PTPRO: variants seen among roughly 807,000 people sequenced by gnomAD.
PTPRO encodes the protein receptor-type tyrosine-protein phosphatase O.
A neutral mutation model predicts 145.2 loss-of-function variants in PTPRO; 62 were observed. The observed-to-expected ratio is 0.43, with a 90% CI of 0.35 to 0.53. The LOEUF is 0.53. Among genes scored for constraint, PTPRO ranks in the 20% least tolerant of loss-of-function variants. The probability of loss-of-function intolerance (pLI) is 0.01; values close to 1 mark genes in which losing one functional copy is unlikely to be tolerated. For missense variants in PTPRO, 1,345 were observed against 1,482.7 expected, an observed-to-expected ratio of 0.91 and a Z score of 1.53; for synonymous variants, 565 against 514.7, an observed-to-expected ratio of 1.10 and a Z score of -1.32.
Position 15,546,612 on chromosome 12 carries a change from G to C in PTPRO, c.2208G>C (p.Gln736His). ...PKSLFAVNKT[Q>H]TSVTLLWVEE... ...CACTCTTCGCAGTGAACAAAACCCA[G>C]ACTTCAGTGACTTTGCTGTGGGTGG... The change falls in exon 13 of 27, where the codon CAG becomes CAC. Residue 736 changes from glutamine (Q) to histidine (H), a missense_variant. By Grantham distance (24) the Gln-to-His change is conservative. Coordinates refer to ENST00000281171, the MANE Select transcript of PTPRO (RefSeq NM_030667.3). 6.2e-7 allele frequency: 1 copy of C among 1,613,220 alleles called. No homozygotes were observed. Among genetic ancestry groups the C allele is most frequent in the Non-Finnish European group, 8.5e-7 (1 of 1,179,568 alleles).
At chr12:15,389,006 T>A (rs1939111196) in intron 1 of PTPRO, among the ~76,000 whole-genome samples, 1 of 152,178 alleles carries the variant, frequency 6.6e-6, no homozygotes, top group Non-Finnish European at 1.5e-5. Flanking sequence ...CTCTGTCTTT[T>A]TATCTATTTT....
intron 1 of PTPRO, among the ~76,000 whole-genome samples, chr12:15,355,444 G>A (rs1484084570): frequency 2.0e-5 from 3 of 152,144 alleles, no homozygotes; most frequent in East Asian, 1.9e-4. Context: ...GTTTTGCTGG[G>A]CAATTTTAGT....
intron 1 of PTPRO, among the ~76,000 whole-genome samples, chr12:15,352,569 T>C (rs559967238): frequency 3.4e-5 from 5 of 147,674 alleles, no homozygotes; most frequent in African/African-American, 1.3e-4. Context: ...GAGAATGGTG[T>C]GAACTCGGGA....
At position 15,578,840 on chromosome 12, in the gene PTPRO, C is replaced by G; in HGVS notation, c.2830-13C>G. 1 of 1,550,190 alleles carries G rather than the reference C, an allele frequency of 6.5e-7. No homozygotes were observed. Among genetic ancestry groups the G allele is most frequent in the Non-Finnish European group, 8.9e-7 (1 of 1,121,906 alleles). ...CGTATGGAACTCTCAAATCCATTCTCTGTCCTTTACAGGAGTTGAAATTGA... is the reference window on the plus strand; with the variant it reads ...CGTATGGAACTCTCAAATCCATTCTGTGTCCTTTACAGGAGTTGAAATTGA... On this transcript the variant is annotated splice_polypyrimidine_tract_variant and intron_variant, in intron 19 of 26. Coordinates refer to ENST00000281171, the MANE Select transcript of PTPRO (RefSeq NM_030667.3).
intron 1 of PTPRO, among the ~76,000 whole-genome samples, chr12:15,395,272 C>T (rs1403495064): frequency 1.3e-5 from 2 of 152,068 alleles, no homozygotes; most frequent in East Asian, 1.9e-4. Flanking sequence ...TGTAGGCAAT[C>T]GAGTTTAAAT....
At chr12:15,516,294 G>C (rs1232849085) in intron 8 of PTPRO, among the ~76,000 whole-genome samples, 123 of 141,684 alleles carry the variant, frequency 8.7e-4, no homozygotes, top group Non-Finnish European at 1.4e-3. Flanking sequence ...GCCAAGCCCA[G>C]AAGTTTTAAT....
At position 15,580,922 on chromosome 12, in the gene PTPRO, TA is replaced by T. The variant is rs111564580; in HGVS notation, c.3132+95del. The T allele has an allele frequency of 6.5e-3, 9,830 of 1,519,798 alleles. 581 individuals are homozygous for T. In the African/African-American group the frequency reaches 0.12, roughly 19 times the overall value. The allele number at this position is 1,519,798 out of a possible 1,614,324, so 94.1% of individuals were successfully genotyped here. A position where few individuals can be genotyped will look rare whatever the true frequency, so the allele number is the denominator to read the frequency against. On this transcript the variant is annotated intron_variant, in intron 22 of 26. Coordinates refer to ENST00000281171, the MANE Select transcript of PTPRO (RefSeq NM_030667.3). The stretch of plus-strand genomic sequence containing the variant: ...AATGCTTGCTGTTTTCAAAGTCAAA[TA>T]AAACATAGAGACAAATCGCTAAATT...
At chr12:15,419,672 A>G (rs1173663057) in intron 1 of PTPRO, among the ~76,000 whole-genome samples, 1 of 151,368 alleles carries the variant, frequency 6.6e-6, no homozygotes, top group Admixed American at 6.6e-5. Context: ...AGAGCATAAC[A>G]TTTCAGTAGG....
chr12:15,334,241 C>G (rs780314519), intron 1 of PTPRO, among the ~76,000 whole-genome samples: 21 of 152,028 alleles, frequency 1.4e-4, no homozygotes, highest in Non-Finnish European at 2.9e-4. Context: ...ACATAGATAC[C>G]TCACGGAAAT....
chr12:15,449,251 T>A (rs1261546404), intron 1 of PTPRO, among the ~76,000 whole-genome samples: 2 of 152,250 alleles, frequency 1.3e-5, no homozygotes, highest in Admixed American at 1.3e-4. Flanking sequence ...GTGGCTGAAG[T>A]ATGGCCACTG....
Position 15,441,421 on chromosome 12 carries a change from C to T in PTPRO, c.76-42553C>T, listed in dbSNP as rs559372610. 1.8e-4 allele frequency among the ~76,000 whole-genome samples: 28 copies of T among 152,202 alleles called. No individual in the cohort carries two copies. In the East Asian group the frequency reaches 4.8e-3, roughly 26 times the overall value. On this transcript the variant is annotated intron_variant, in intron 1 of 26. Coordinates refer to ENST00000281171, the MANE Select transcript of PTPRO (RefSeq NM_030667.3). ...AAGAGTTAGAAAGATCTCAAATTAA[C>T]GATCTAATATCACATCTAGAGGAAC... is the stretch of plus-strand genomic sequence containing the variant.
intron 2 of PTPRO, among the ~76,000 whole-genome samples, chr12:15,488,301 A>G (rs1287636522): frequency 6.6e-6 from 1 of 152,194 alleles, no homozygotes; most frequent in Non-Finnish European, 1.5e-5. Context: ...TTGAGGGGCA[A>G]TAATAGGTTG....
chr12:15,344,942 T>G (rs1002725624), intron 1 of PTPRO, among the ~76,000 whole-genome samples: 2 of 152,204 alleles, frequency 1.3e-5, no homozygotes, highest in Non-Finnish European at 2.9e-5. Context: ...GGTGCTAAAT[T>G]ATTCTATGGC....
At chr12:15,436,563 A>C (rs910457591) in intron 1 of PTPRO, among the ~76,000 whole-genome samples, 3 of 152,170 alleles carry the variant, frequency 2.0e-5, no homozygotes, top group Non-Finnish European at 2.9e-5. Flanking sequence ...AAGAGAGAGC[A>C]CTTTGCTTCT....
At chr12:15,426,849 C>T (rs1940299146) in intron 1 of PTPRO, among the ~76,000 whole-genome samples, 1 of 151,958 alleles carries the variant, frequency 6.6e-6, no homozygotes, top group Non-Finnish European at 1.5e-5. Flanking sequence ...CAGCTGTATG[C>T]ATTTTTATTT....
chr12:15,576,568 T>C lies in PTPRO; in HGVS notation c.2830-2285T>C, dbSNP rs78023476. ...TCAGTCTGTCCCCAAAGCAAGAGAA[T>C]TGGGGGAAGAGTTGTTGGTCTGCTG... is the stretch of plus-strand genomic sequence containing the variant. On this transcript the variant is annotated intron_variant, in intron 19 of 26. Transcript: ENST00000281171. Among the ~76,000 whole-genome samples the C allele has an allele frequency of 1.4e-3, 214 of 152,250 alleles. 1 individual carries two copies. In the East Asian group the frequency reaches 0.039, roughly 27 times the overall value.
chr12:15,473,568 C>CTAG (rs1941587950), intron 1 of PTPRO, among the ~76,000 whole-genome samples: 1 of 152,008 alleles, frequency 6.6e-6, no homozygotes, highest in Non-Finnish European at 1.5e-5. Context: ...GAGTTTGAGA[C>CTAG]CAGCCTGGCC....
Position 15,513,081 on chromosome 12 carries a change from AAAGAAAGAAAG to A in PTPRO, c.1465-2403_1465-2393del, listed in dbSNP as rs1316956068. Among the ~76,000 whole-genome samples, 56 of 61,982 alleles carry A rather than the reference AAAGAAAGAAAG, an allele frequency of 9.0e-4. 2 individuals are homozygous for A. The highest frequency in any genetic ancestry group is 3.8e-3 in the African/African-American group (54 of 14,104). The allele number at this position is 61,982 out of a possible 152,430, so 40.7% of individuals were successfully genotyped here. ...GAGAAAGAGAAAGAAGGAAAGAAAG[AAAGAAAGAAAG>A]AAGAAAGAAAGAAAGAAAGGAAGGA... On this transcript the variant is annotated intron_variant, in intron 7 of 26. Transcript: ENST00000281171.
chr12:15,510,090 G>A (rs1942408382), intron 7 of PTPRO, among the ~76,000 whole-genome samples: 1 of 152,172 alleles, frequency 6.6e-6, no homozygotes, highest in Admixed American at 6.5e-5. Flanking sequence ...GAAATGTAAT[G>A]CACAGAAAAG....
Sources: gnomAD v4.1 joint callset for allele counts (sites outside exome capture counted in the v4.1 genomes callset) on GRCh38, gnomAD v4.1.1 for gene constraint, MANE v1.5 for transcripts, NCBI Gene and HGNC (gene_info 2026-07-23, HGNC 2026-07-21) for gene names.